FLVCR1: variants seen among roughly 807,000 people sequenced by gnomAD.
FLVCR1 encodes the protein choline/ethanolamine transporter FLVCR1.
Under a neutral mutation model 53.6 loss-of-function variants are expected in FLVCR1, and 34 were observed. The observed-to-expected ratio is 0.63, with a 90% CI of 0.48 to 0.84. The LOEUF (loss-of-function observed/expected upper bound fraction) is 0.84, where lower values mean the gene tolerates loss of function less well. Among genes scored for constraint, FLVCR1 ranks in the 40% least tolerant of loss-of-function variants. FLVCR1 has a pLI of 0.00. For missense variants in FLVCR1, 677 were observed against 696.7 expected, an observed-to-expected ratio of 0.97 and a Z score of 0.32; for synonymous variants, 300 against 286.3, an observed-to-expected ratio of 1.05 and a Z score of -0.48.
chr1:212,894,976 T>A lies in FLVCR1; in HGVS notation c.1526-10T>A, dbSNP rs752483083. 2 of 1,589,344 alleles carry A rather than the reference T, an allele frequency of 1.3e-6. No individual in the cohort carries two copies. Among genetic ancestry groups the A allele is most frequent in the African/African-American group, 2.7e-5 (2 of 74,560 alleles). On this transcript the variant is annotated splice_polypyrimidine_tract_variant and intron_variant, in intron 8 of 9. Coordinates refer to ENST00000366971, the MANE Select transcript of FLVCR1 (RefSeq NM_014053.4). ...ACAGTTTATAGTAACTTGATGCCCC[T>A]CTGTTTCAGCATTAATCAAGTCTGA...
intron 3 of FLVCR1, among the ~76,000 whole-genome samples, chr1:212,874,112 A>G (rs947702534): frequency 6.6e-6 from 1 of 152,088 alleles, no homozygotes; most frequent in Non-Finnish European, 1.5e-5. Flanking sequence ...GGTTCAAGCA[A>G]TTCTCCTGCC....
rs1451349612 is a variant in FLVCR1, at chr1:212,896,378, C to T, written c.*1088C>T. 1 of 152,152 alleles carries T rather than the reference C, an allele frequency of 6.6e-6. No individual in the cohort carries two copies. Among genetic ancestry groups the T allele is most frequent in the Non-Finnish European group, 1.5e-5 (1 of 68,032 alleles). The allele number at this position is 152,152 out of a possible 1,614,324, so 9.4% of individuals were successfully genotyped here. Reference sequence around the variant, plus strand: ...CTTTGAGGAATACTATGCCCAGGTACATGCTCTATCAGTGTGCCGGGAGAG... The same window carrying T: ...CTTTGAGGAATACTATGCCCAGGTATATGCTCTATCAGTGTGCCGGGAGAG... On this transcript the variant is annotated 3_prime_UTR_variant, in exon 10 of 10. Transcript: ENST00000366971.
intron 9 of FLVCR1, 61 bp downstream of exon 9, chr1:212,895,114 T>C: frequency 7.3e-7 from 1 of 1,367,344 alleles, no homozygotes; most frequent in Non-Finnish European, 1.0e-6. Flanking sequence ...TGTGAAACCA[T>C]ATTTTTTTAT....
In FLVCR1 at chr1:212,896,289, C is replaced by G. The variant is rs779518845; in HGVS notation, c.*999C>G. ...ATAACTTCAGATAGCCTACATGTCC[C>G]CATTTAGTGGAGACCTCTTGAATGC... On this transcript the variant is annotated 3_prime_UTR_variant, in exon 10 of 10. Coordinates refer to ENST00000366971, the MANE Select transcript of FLVCR1 (RefSeq NM_014053.4). 1 of 152,108 alleles carries G rather than the reference C, an allele frequency of 6.6e-6. No individual in the cohort carries two copies. The highest frequency in any genetic ancestry group is 6.6e-5 in the Admixed American group (1 of 15,266). The allele number at this position is 152,108 out of a possible 1,614,324, so 9.4% of individuals were successfully genotyped here. A position where few individuals can be genotyped will look rare whatever the true frequency, so the allele number is the denominator to read the frequency against.
Position 212,885,522 on chromosome 1 carries a change from GTAGGTTCTCTTCACT to G in FLVCR1, c.1196+129_1196+143del, listed in dbSNP as rs1474334693. On this transcript the variant is annotated intron_variant, in intron 5 of 9. Transcript: ENST00000366971. Reference sequence around the variant, plus strand: ...TTAAAGATACGGATTCTAAACACTAGTAGGTTCTCTTCACTTAACAAGTGTTTCTTTTTTTTTTTT... The same window carrying G: ...TTAAAGATACGGATTCTAAACACTAGTAACAAGTGTTTCTTTTTTTTTTTT... 2.8e-5 allele frequency: 17 copies of G among 611,676 alleles called. No homozygotes were observed. In the Middle Eastern group the frequency reaches 9.9e-4, roughly 36 times the overall value. The allele number at this position is 611,676 out of a possible 1,614,324, so 37.9% of individuals were successfully genotyped here.
intron 3 of FLVCR1, 105 bp downstream of exon 3, chr1:212,872,923 T>C (rs1664645224): frequency 1.7e-6 from 2 of 1,161,520 alleles, no homozygotes; most frequent in Non-Finnish European, 2.6e-6. Context: ...GATTGGCCTG[T>C]TAACTCTACA....
At chr1:212,891,942 C>T (rs926483267) in intron 8 of FLVCR1, among the ~76,000 whole-genome samples, 1 of 152,206 alleles carries the variant, frequency 6.6e-6, no homozygotes, top group Admixed American at 6.5e-5. Flanking sequence ...TTTGAGTGGT[C>T]TTGTTAGAAG....
Position 212,859,031 on chromosome 1 carries a change from C to T in FLVCR1, c.579C>T (p.Gly193=), listed in dbSNP as rs1558105183. 1.2e-6 allele frequency: 2 copies of T among 1,611,630 alleles called. No homozygotes were observed. The highest frequency in any genetic ancestry group is 2.2e-5 in the East Asian group (1 of 44,814). ...LNCLGAWIKC[G]SVQQHLFWVT... ...GCCTGGGTGCCTGGATCAAGTGCGG[C>T]AGTGTGCAGCAGCATCTCTTCTGGG... Residue 193 remains glycine (G), a synonymous_variant, in exon 1 of 10, where the codon GGC becomes GGT. Coordinates refer to ENST00000366971, the MANE Select transcript of FLVCR1 (RefSeq NM_014053.4).
chr1:212,893,870 G>T (rs1052178998), intron 8 of FLVCR1, among the ~76,000 whole-genome samples: 1 of 152,052 alleles, frequency 6.6e-6, no homozygotes, highest in African/African-American at 2.4e-5. Context: ...CTGCCTCCTG[G>T]GTTCAAGTGA....
intron 8 of FLVCR1, among the ~76,000 whole-genome samples, chr1:212,889,917 T>G (rs1665148519): frequency 6.6e-6 from 1 of 152,214 alleles, no homozygotes; most frequent in Admixed American, 6.5e-5. Context: ...GCCTGCTTTA[T>G]AGGGTTACTG....
intron 3 of FLVCR1, among the ~76,000 whole-genome samples, chr1:212,877,505 G>A (rs909636583): frequency 5.3e-5 from 8 of 151,974 alleles, no homozygotes; most frequent in Admixed American, 1.3e-4. Context: ...GAGCCACCGC[G>A]CCTGGCCATG....
At chr1:212,872,639 A>G (rs759731520) in intron 2 of FLVCR1, 39 bp from the exon 3 acceptor site, 1 of 1,313,448 alleles carries the variant, frequency 7.6e-7, no homozygotes, top group South Asian at 1.2e-5. Flanking sequence ...TATTGTATAT[A>G]TATTAAATAT....
intron 1 of FLVCR1, among the ~76,000 whole-genome samples, chr1:212,860,350 G>GTTTGTTTTTTTTTTTTTTTTTTTT (rs1664186197): frequency 1.2e-5 from 1 of 85,824 alleles, no homozygotes; most frequent in Admixed American, 1.3e-4. Flanking sequence ...TGTGTGTGTG[G>GTTTGTTTTTTTTTTTTTTTTTTTT]TTTTTTTTTT....
intron 5 of FLVCR1, 150 bp downstream of exon 5, chr1:212,885,546 G>GTTTATT: frequency 1.2e-4 from 35 of 289,586 alleles, no homozygotes; most frequent in East Asian, 4.3e-4. Flanking sequence ...CTTAACAAGT[G>GTTTATT]TTTCTTTTTT....
At chr1:212,894,948 A>G (rs754117968) in intron 8 of FLVCR1, 38 bp from the exon 9 acceptor site, 6 of 1,425,406 alleles carry the variant, frequency 4.2e-6, no homozygotes, top group South Asian at 2.3e-5. Context: ...AAATCTTCAC[A>G]TAACAGTTTA....
chr1:212,882,153 A>C (rs1183294151), intron 3 of FLVCR1, among the ~76,000 whole-genome samples: 2 of 152,214 alleles, frequency 1.3e-5, no homozygotes, highest in Non-Finnish European at 2.9e-5. Context: ...ATACTTAGAG[A>C]AGCTCTTATG....
At chr1:212,893,284 T>C (rs1665245680) in intron 8 of FLVCR1, among the ~76,000 whole-genome samples, 1 of 152,138 alleles carries the variant, frequency 6.6e-6, no homozygotes, top group Admixed American at 6.6e-5. Context: ...TTTGATTTCC[T>C]GACCTTGTGA....
In FLVCR1 at chr1:212,889,173, C is replaced by T; in HGVS notation, c.1441C>T (p.Gln481Ter). 6.2e-7 allele frequency: 1 copy of T among 1,613,274 alleles called. No homozygotes were observed. The highest frequency in any genetic ancestry group is 8.5e-7 in the Non-Finnish European group (1 of 1,179,364). ...ATTTGGAATTTTGTTCACATTGGCT[C>T]AAGGAAAGCTCACATCAGACTATGG... ...QIFGILFTLAQGKLTSDYGPK... is the reference protein window; with the variant it reads ...QIFGILFTLA Residue 481 changes from glutamine (Q) to a stop codon, truncating the protein, a stop_gained, in exon 8 of 10, where the codon CAA (glutamine) becomes TAA (stop). Coordinates refer to ENST00000366971, the MANE Select transcript of FLVCR1 (RefSeq NM_014053.4). LOFTEE classifies it high-confidence loss of function.
At chr1:212,859,509 G>A (rs1233308781) in intron 1 of FLVCR1, among the ~76,000 whole-genome samples, 1 of 152,128 alleles carries the variant, frequency 6.6e-6, no homozygotes, top group Non-Finnish European at 1.5e-5. Context: ...CTTCAAGTCA[G>A]GAGTTCCAGA....
Sources: gnomAD v4.1 joint callset for allele counts (sites outside exome capture counted in the v4.1 genomes callset) on GRCh38, gnomAD v4.1.1 for gene constraint, MANE v1.5 for transcripts, NCBI Gene and HGNC (gene_info 2026-07-23, HGNC 2026-07-21) for gene names.